Variants in APPL2 observed in about 807,000 individuals in gnomAD.
APPL2 encodes the protein adaptor protein, phosphotyrosine interacting with PH domain and leucine zipper 2.
In APPL2, 84 loss-of-function variants were observed where a neutral mutation model predicts 92.7. That is an observed-to-expected ratio of 0.91 (90% confidence interval 0.76 to 1.09). APPL2 has a LOEUF of 1.09. Among genes scored for constraint, APPL2 ranks in the 50% least tolerant of loss-of-function variants. The pLI is 0.00. For synonymous variants in APPL2, 291 were observed against 291.0 expected, an observed-to-expected ratio of 1.00 and a Z score of 0.00; for missense variants, 736 against 824.5, an observed-to-expected ratio of 0.89 and a Z score of 1.31.
intron 2 of APPL2, among the ~76,000 whole-genome samples, chr12:105,221,792 G>A (rs189942538): frequency 8.5e-4 from 130 of 152,340 alleles, no homozygotes; most frequent in African/African-American, 2.9e-3. Context: ...AGAACCTCCC[G>A]GGGCTGTTGC....
At chr12:105,203,881 A>T in intron 8 of APPL2, 96 bp from the exon 9 acceptor site, 1 of 1,102,052 alleles carries the variant, frequency 9.1e-7, no homozygotes, top group South Asian at 1.3e-5. Flanking sequence ...CAGCCATCAC[A>T]GCTGGCTGGC....
At chr12:105,218,613 G>A (rs1180760901) in intron 2 of APPL2, among the ~76,000 whole-genome samples, 2 of 152,182 alleles carry the variant, frequency 1.3e-5, no homozygotes, top group Non-Finnish European at 2.9e-5. Context: ...GCGTGGCTGG[G>A]GCAAGAGCTG....
chr12:105,205,273 T>C (rs955473662), intron 8 of APPL2, among the ~76,000 whole-genome samples: 1 of 152,190 alleles, frequency 6.6e-6, no homozygotes, highest in Non-Finnish European at 1.5e-5. Context: ...CATTTAAAAA[T>C]AATGCATAGG....
intron 4 of APPL2, among the ~76,000 whole-genome samples, chr12:105,215,785 A>C (rs1337123782): frequency 6.6e-6 from 1 of 152,142 alleles, no homozygotes; most frequent in Non-Finnish European, 1.5e-5. Context: ...TCATGCCTGT[A>C]ATCTCAGCAC....
intron 17 of APPL2, among the ~76,000 whole-genome samples, chr12:105,178,696 T>C (rs2135888283): frequency 6.6e-6 from 1 of 152,328 alleles, no homozygotes; most frequent in Middle Eastern, 3.4e-3. Flanking sequence ...TACAACTGGT[T>C]CATCTGTAAA....
At chr12:105,202,213 AC>A (rs1888269676) in intron 9 of APPL2, among the ~76,000 whole-genome samples, 1 of 152,196 alleles carries the variant, frequency 6.6e-6, no homozygotes, top group African/African-American at 2.4e-5. Flanking sequence ...AGAGGGGGTA[AC>A]TCACAGAACC....
At chr12:105,206,845 C>T (rs537772195) in intron 8 of APPL2, 154 of 513,874 alleles carry the variant, frequency 3.0e-4, no homozygotes, top group African/African-American at 2.6e-3. Context: ...GGCCTCATTT[C>T]CTGAACATAT....
intron 9 of APPL2, among the ~76,000 whole-genome samples, chr12:105,201,801 A>G (rs1439778141): frequency 2.0e-5 from 3 of 152,198 alleles, no homozygotes; most frequent in African/African-American, 7.2e-5. Flanking sequence ...CTGTATCACT[A>G]TAGGGTTAGG....
Position 105,236,076 on chromosome 12 carries a change from A to G in APPL2, c.-64T>C. On this transcript the variant is annotated 5_prime_UTR_variant, in exon 1 of 21. Coordinates refer to ENST00000258530, the MANE Select transcript of APPL2 (RefSeq NM_018171.5). The stretch of plus-strand genomic sequence containing the variant: ...CAGAGGGCAGGAGACGCGGCGGCCG[A>G]GAGCACTCCCCGGCTCTGGGCTCAG... The G allele has an allele frequency of 1.7e-6, 2 of 1,167,252 alleles. No homozygotes were observed. Among genetic ancestry groups the G allele is most frequent in the East Asian group, 3.4e-5 (1 of 29,626 alleles). 72.3% of individuals were successfully genotyped at this position (1,167,252 alleles called of 1,614,324 possible).
chr12:105,233,447 T>A, intron 1 of APPL2: 1 of 972,976 alleles, frequency 1.0e-6, no homozygotes, highest in Non-Finnish European at 1.2e-6. Flanking sequence ...AGTCCATGAA[T>A]AGATGTGTCT....
At position 105,210,787 on chromosome 12, in the gene APPL2, C is replaced by T. The variant is rs893927610; in HGVS notation, c.373+443G>A. ...GAATGCATGGTTCCTATCCCGTCTTCCCCTTTCTCCAAACCCCGCTTTCCA... is the reference window on the plus strand; with the variant it reads ...GAATGCATGGTTCCTATCCCGTCTTTCCCTTTCTCCAAACCCCGCTTTCCA... On this transcript the variant is annotated intron_variant, in intron 5 of 20. Coordinates refer to ENST00000258530, the MANE Select transcript of APPL2 (RefSeq NM_018171.5). 1.1e-4 allele frequency among the ~76,000 whole-genome samples: 7 copies of T among 61,660 alleles called. No homozygotes were observed. In the Admixed American group the frequency reaches 1.2e-3, roughly 10 times the overall value. 40.5% of individuals were successfully genotyped at this position (61,660 alleles called of 152,430 possible).
rs571282835 is a variant in APPL2, at chr12:105,199,881, C to T, written c.705-350G>A. On this transcript the variant is annotated intron_variant, in intron 9 of 20. Transcript: ENST00000258530. ...TCGCCCAGGCTGGAGTACAGTGGCG[C>T]GATCTCCTCTCACTGCAAGCTCCGC... Among the ~76,000 whole-genome samples the T allele has an allele frequency of 2.6e-5, 4 of 151,900 alleles. No individual in the cohort carries two copies. The South Asian group carries it at 6.2e-4, about 24-fold the overall frequency.
In APPL2 at chr12:105,173,520, G is replaced by A. The variant is rs996688517; in HGVS notation, c.*794C>T. 1 of 152,712 alleles carries A rather than the reference G, an allele frequency of 6.5e-6. No homozygotes were observed. Among genetic ancestry groups the A allele is most frequent in the Middle Eastern group, 3.4e-3 (1 of 294 alleles). The allele number at this position is 152,712 out of a possible 1,614,324, so 9.5% of individuals were successfully genotyped here. Reference sequence around the variant, plus strand: ...CCATGACCAGCTGTGCTTCAAGTGAGTTTTAAAATTAATTGGTCCCTTCCC... The same window carrying A: ...CCATGACCAGCTGTGCTTCAAGTGAATTTTAAAATTAATTGGTCCCTTCCC... On this transcript the variant is annotated 3_prime_UTR_variant, in exon 21 of 21. Transcript: ENST00000258530.
chr12:105,230,477 A>G (rs1002170600), intron 1 of APPL2, among the ~76,000 whole-genome samples: 1 of 152,246 alleles, frequency 6.6e-6, no homozygotes, highest in Non-Finnish European at 1.5e-5. Context: ...AATATAACCC[A>G]TTAGGCATAG....
chr12:105,203,880 C>A, intron 8 of APPL2, 95 bp from the exon 9 acceptor site: 2 of 1,116,486 alleles, frequency 1.8e-6, no homozygotes, highest in Non-Finnish European at 2.7e-6. Flanking sequence ...GCAGCCATCA[C>A]AGCTGGCTGG....
intron 18 of APPL2, 30 bp downstream of exon 18, chr12:105,177,196 C>T: frequency 6.2e-7 from 1 of 1,612,406 alleles, no homozygotes; most frequent in Non-Finnish European, 8.5e-7. Context: ...AAGGAGTAAT[C>T]ACTAACATGA....
chr12:105,210,121 C>T (rs1162239590), intron 5 of APPL2, among the ~76,000 whole-genome samples: 15 of 152,260 alleles, frequency 9.9e-5, no homozygotes, highest in Admixed American at 2.6e-4. Context: ...CCACCATGCC[C>T]GGCTAATTTT....
chr12:105,200,647 C>A (rs1044538211), intron 9 of APPL2, among the ~76,000 whole-genome samples: 1 of 152,108 alleles, frequency 6.6e-6, no homozygotes, highest in African/African-American at 2.4e-5. Flanking sequence ...GCCCATCCAT[C>A]TGAGAAATCA....
At chr12:105,197,626 A>C (rs1234108728) in intron 11 of APPL2, 139 bp downstream of exon 11, 39 of 1,043,696 alleles carry the variant, frequency 3.7e-5, no homozygotes, top group Non-Finnish European at 5.3e-5. Flanking sequence ...GCAGAAAATC[A>C]TCCTCCTGAA....
Sources: allele counts gnomAD v4.1 joint callset (sites outside exome capture counted in the v4.1 genomes callset), GRCh38; gene constraint gnomAD v4.1.1; transcripts MANE v1.5; gene names NCBI Gene and HGNC (gene_info 2026-07-23, HGNC 2026-07-21).